RABGAP1L: variants seen among roughly 807,000 people sequenced by gnomAD.
RABGAP1L encodes rab GTPase-activating protein 1-like.
Under a neutral mutation model 137.7 loss-of-function variants are expected in RABGAP1L, and 63 were observed. The ratio of observed to expected loss-of-function variants is 0.46; its 90% confidence interval spans 0.37 to 0.56. RABGAP1L has a LOEUF of 0.56. Among genes scored for constraint, RABGAP1L ranks in the 20% least tolerant of loss-of-function variants. RABGAP1L has a pLI of 0.00. For missense variants in RABGAP1L, 1,095 were observed against 1,244.0 expected (o/e 0.88, Z 1.80); for synonymous variants, 431 against 433.7 (o/e 0.99, Z 0.08).
chr1:174,793,588 A>G (rs1260877516), intron 18 of RABGAP1L, among the ~76,000 whole-genome samples: 2 of 152,238 alleles, frequency 1.3e-5, no homozygotes, highest in African/African-American at 2.4e-5. Context: ...CAGTCTCATT[A>G]CATTTCATTT....
chr1:174,851,941 G>T (rs976668613), intron 19 of RABGAP1L, among the ~76,000 whole-genome samples: 2 of 152,026 alleles, frequency 1.3e-5, no homozygotes, highest in Admixed American at 1.3e-4. Flanking sequence ...AAGTAACACT[G>T]GAATTCTTTG....
intron 10 of RABGAP1L, among the ~76,000 whole-genome samples, chr1:174,295,477 GGGTTC>G: frequency 6.6e-6 from 1 of 151,938 alleles, no homozygotes; most frequent in South Asian, 2.1e-4. Context: ...TCCTCCTCAT[GGGTTC>G]AAGCGATTCT....
rs577379692 is a variant in RABGAP1L at position 174,982,964 on chromosome 1, T to A, written c.2805+59T>A. On this transcript the variant is annotated intron_variant, in intron 24 of 25. Coordinates refer to ENST00000681986, the MANE Select transcript of RABGAP1L (RefSeq NM_001366446.1). ...TTTCAAAGTCACACAGGCTTGTAAG[T>A]ACCTGAAAGAACCCCAAACACCACC... 1.3e-5 allele frequency: 19 copies of A among 1,509,268 alleles called. No homozygotes were observed. The East Asian group carries it at 2.2e-4, about 18-fold the overall frequency. The allele number at this position is 1,509,268 out of a possible 1,614,324, so 93.5% of individuals were successfully genotyped here. A position where few individuals can be genotyped will look rare whatever the true frequency, so the allele number is the denominator to read the frequency against.
At chr1:174,885,827 C>T (rs1655003551) in intron 19 of RABGAP1L, among the ~76,000 whole-genome samples, 1 of 151,848 alleles carries the variant, frequency 6.6e-6, no homozygotes, top group South Asian at 2.1e-4. Context: ...ATTAGCCGGG[C>T]ATGGTGGCGG....
In RABGAP1L at chr1:174,195,739, C is replaced by CT. The variant is rs1410694773; in HGVS notation, c.-33-23383dup. Among the ~76,000 whole-genome samples, 9 of 126,818 alleles carry CT rather than the reference C, an allele frequency of 7.1e-5. 1 individual carries two copies. Among genetic ancestry groups the CT allele is most frequent in the Non-Finnish European group, 1.3e-4 (8 of 59,960 alleles). The allele number at this position is 126,818 out of a possible 152,430, so 83.2% of individuals were successfully genotyped here. A position where few individuals can be genotyped will look rare whatever the true frequency, so the allele number is the denominator to read the frequency against. ...TTTCTTTCTTTTCTTTCTTTTCTTT[C>CT]TTTCTTTCTTTCTCTCTTTCTCTCT... On this transcript the variant is annotated intron_variant, in intron 1 of 25. Coordinates refer to ENST00000681986, the MANE Select transcript of RABGAP1L (RefSeq NM_001366446.1).
chr1:174,243,661 A>C (rs776698001), intron 5 of RABGAP1L, among the ~76,000 whole-genome samples: 1 of 152,220 alleles, frequency 6.6e-6, no homozygotes, highest in African/African-American at 2.4e-5. Context: ...ACCAGGTTGG[A>C]CTTATTAGAC....
At chr1:174,984,879 T>G (rs182995693) in intron 24 of RABGAP1L, among the ~76,000 whole-genome samples, 1 of 152,124 alleles carries the variant, frequency 6.6e-6, no homozygotes, top group Admixed American at 6.5e-5. Flanking sequence ...TGGATAGAAA[T>G]TAGTTAGAGA....
At chr1:174,653,061 C>G (rs1463750545) in intron 14 of RABGAP1L, among the ~76,000 whole-genome samples, 1 of 152,176 alleles carries the variant, frequency 6.6e-6, no homozygotes, top group African/African-American at 2.4e-5. Flanking sequence ...GTGGGCTCTG[C>G]CCAGTTCGAA....
intron 1 of RABGAP1L, among the ~76,000 whole-genome samples, chr1:174,189,589 C>T (rs1667061804): frequency 6.6e-6 from 1 of 152,162 alleles, no homozygotes; most frequent in Admixed American, 6.5e-5. Context: ...GTGATTGGGT[C>T]ATGAGGGCTC....
rs1376546246 is a variant in RABGAP1L at position 174,370,311 on chromosome 1, GT to G, written c.1466-665del. Among the ~76,000 whole-genome samples the G allele has an allele frequency of 5.3e-5, 8 of 152,008 alleles. No homozygotes were observed. In the East Asian group the frequency reaches 1.5e-3, roughly 29 times the overall value. ...TACTACCTCTGCTACTGCTTAAAAG[GT>G]TTATAGAGTTTAGTATTGGTCGTTT... On this transcript the variant is annotated intron_variant, in intron 11 of 25. Coordinates refer to ENST00000681986, the MANE Select transcript of RABGAP1L (RefSeq NM_001366446.1).
intron 18 of RABGAP1L, among the ~76,000 whole-genome samples, chr1:174,760,867 G>T (rs560993005): frequency 6.6e-6 from 1 of 152,292 alleles, no homozygotes; most frequent in Admixed American, 6.5e-5. Context: ...TATTAAAGCA[G>T]ATTTTAGTCA....
chr1:174,322,733 G>C (rs1680107826), intron 11 of RABGAP1L, among the ~76,000 whole-genome samples: 1 of 152,124 alleles, frequency 6.6e-6, no homozygotes, highest in South Asian at 2.1e-4. Context: ...TCCAAGAACA[G>C]TGATGGGGTC....
intron 19 of RABGAP1L, among the ~76,000 whole-genome samples, chr1:174,821,490 A>G (rs753324057): frequency 6.6e-6 from 1 of 152,140 alleles, no homozygotes; most frequent in Non-Finnish European, 1.5e-5. Flanking sequence ...CCCCTCACAA[A>G]TCATGTTTTT....
intron 1 of RABGAP1L, among the ~76,000 whole-genome samples, chr1:174,168,368 G>T (rs1172855593): frequency 6.6e-6 from 1 of 151,736 alleles, no homozygotes; most frequent in Non-Finnish European, 1.5e-5. Flanking sequence ...ATATATATTG[G>T]CAGACAGTAG....
At chr1:174,271,114 T>C (rs1467406325) in intron 7 of RABGAP1L, among the ~76,000 whole-genome samples, 2 of 152,010 alleles carry the variant, frequency 1.3e-5, no homozygotes, top group Non-Finnish European at 2.9e-5. Flanking sequence ...AATACTAGAG[T>C]ATAATTATTT....
At position 174,885,596 on chromosome 1, in the gene RABGAP1L, T is replaced by G. The variant is rs188549307; in HGVS notation, c.2341-71861T>G. On this transcript the variant is annotated intron_variant, in intron 19 of 25. Coordinates refer to ENST00000681986, the MANE Select transcript of RABGAP1L (RefSeq NM_001366446.1). ...ATCTGGAACTCCTGAGCTCAAGTGA[T>G]CCTCCCCCCTCGGCCTCCCAAAGTG... 5.3e-5 allele frequency among the ~76,000 whole-genome samples: 8 copies of G among 152,004 alleles called. No homozygotes were observed. The East Asian group carries it at 1.6e-3, about 30-fold the overall frequency.
chr1:174,376,110 AG>A (rs1685517421), intron 12 of RABGAP1L, among the ~76,000 whole-genome samples: 1 of 151,426 alleles, frequency 6.6e-6, no homozygotes, highest in South Asian at 2.1e-4. Flanking sequence ...GAAAGAAGGA[AG>A]GAGAGAAAGA....
chr1:174,697,842 G>A (rs776613318), intron 15 of RABGAP1L, among the ~76,000 whole-genome samples: 2 of 152,172 alleles, frequency 1.3e-5, no homozygotes, highest in Admixed American at 6.5e-5. Context: ...TTGAATAGCT[G>A]AGGTCAGTGG....
intron 13 of RABGAP1L, among the ~76,000 whole-genome samples, chr1:174,595,549 C>T (rs1159768208): frequency 7.8e-6 from 1 of 128,652 alleles, no homozygotes; most frequent in Non-Finnish European, 1.7e-5. Flanking sequence ...GATGTCCTTT[C>T]TGGTTGTTAG....
Sources: gnomAD v4.1 joint callset for allele counts (sites outside exome capture counted in the v4.1 genomes callset) on GRCh38, gnomAD v4.1.1 for gene constraint, MANE v1.5 for transcripts, NCBI Gene and HGNC (gene_info 2026-07-23, HGNC 2026-07-21) for gene names.